The following AGAP1 variants were observed in gnomAD, a reference collection of about 807,000 sequenced individuals.
AGAP1 encodes ArfGAP with GTPase domain, ankyrin repeat and PH domain 1.
Under a neutral mutation model 105.3 loss-of-function variants are expected in AGAP1, and 29 were observed. The ratio of observed to expected loss-of-function variants is 0.28; its 90% CI spans 0.21 to 0.38. AGAP1 has a LOEUF of 0.38. AGAP1 is among the 10% of genes least tolerant of loss of function. The pLI is 1.00. For synonymous variants in AGAP1, 509 were observed against 485.9 expected, an observed-to-expected ratio of 1.05 and a Z score of -0.63; for missense variants, 998 against 1,165.1, an observed-to-expected ratio of 0.86 and a Z score of 2.09.
In AGAP1 at chr2:236,009,562, C is replaced by T. The variant is rs1460065032; in HGVS notation, c.1646-26999C>T. Among the ~76,000 whole-genome samples, 4 of 152,300 alleles carry T rather than the reference C, an allele frequency of 2.6e-5. No homozygotes were observed. Among genetic ancestry groups the T allele is most frequent in the Middle Eastern group, 3.4e-3 (1 of 294 alleles). On this transcript the variant is annotated intron_variant, in intron 13 of 17. Transcript: ENST00000304032. This position sits in a 1 kb window ranked among gnomAD's most constrained non-coding sequence, Gnocchi z 4.2. ...GCTGTCTGACAAGGTGATCATTTGA[C>T]TTTTCTTAGAGGTACAAATTTACGC...
At chr2:235,805,733 G>A (rs1237516902) in intron 8 of AGAP1, among the ~76,000 whole-genome samples, 1 of 152,130 alleles carries the variant, frequency 6.6e-6, no homozygotes, top group Non-Finnish European at 1.5e-5. Context: ...ACAAAGAATT[G>A]ATAAATATCT....
Position 236,104,251 on chromosome 2 carries a change from C to A in AGAP1, c.2115-15941C>A, listed in dbSNP as rs114204773. The stretch of plus-strand genomic sequence containing the variant: ...TTGGCTGCTGTGAGAGATACGCCAC[C>A]AGGCCAGGCTGACATGGGCAGTTCC... On this transcript the variant is annotated intron_variant, in intron 16 of 17. Transcript: ENST00000304032. This position sits in a 1 kb window ranked among gnomAD's most constrained non-coding sequence, Gnocchi z 4.7. 5.0e-3 allele frequency among the ~76,000 whole-genome samples: 764 copies of A among 152,334 alleles called. 5 individuals are homozygous for A. Among genetic ancestry groups the A allele is most frequent in the African/African-American group, 0.018 (731 of 41,578 alleles).
chr2:235,728,380 A>C lies in AGAP1; in HGVS notation c.310+10736A>C, dbSNP rs528950131. On this transcript the variant is annotated intron_variant, in intron 3 of 17. Transcript: ENST00000304032. The surrounding 1 kb of genome is among the most constrained non-coding windows in gnomAD (Gnocchi z 4.3). Reference sequence around the variant, plus strand: ...CTATATACAGCTGCCAATAATCTGCAAAAGATGACAGTTTCATATGATTCC... The same window carrying C: ...CTATATACAGCTGCCAATAATCTGCCAAAGATGACAGTTTCATATGATTCC... 3.3e-5 allele frequency among the ~76,000 whole-genome samples: 5 copies of C among 152,046 alleles called. No individual in the cohort carries two copies. The South Asian group carries it at 1.0e-3, about 32-fold the overall frequency.
chr2:235,534,280 A>G (rs1293805283), intron 1 of AGAP1, among the ~76,000 whole-genome samples: 5 of 152,160 alleles, frequency 3.3e-5, no homozygotes, highest in Non-Finnish European at 5.9e-5. Flanking sequence ...AGGGAAGTAA[A>G]TACAGTGCCT....
intron 1 of AGAP1, among the ~76,000 whole-genome samples, chr2:235,684,801 G>A (rs574225424): frequency 6.6e-6 from 1 of 152,284 alleles, no homozygotes; most frequent in African/African-American, 2.4e-5. Context: ...GTCAATCTTA[G>A]AGGCACTTTC....
At chr2:235,619,674 T>C (rs1946414590) in intron 1 of AGAP1, among the ~76,000 whole-genome samples, 1 of 152,172 alleles carries the variant, frequency 6.6e-6, no homozygotes, top group Non-Finnish European at 1.5e-5. Context: ...TTTAATTTCA[T>C]GAGCATCCTG....
At chr2:235,995,626 A>C (rs2055778877) in intron 13 of AGAP1, among the ~76,000 whole-genome samples, 1 of 152,236 alleles carries the variant, frequency 6.6e-6, no homozygotes, top group South Asian at 2.1e-4. Context: ...AATGTGTGGC[A>C]GACAACCTTA....
intron 1 of AGAP1, among the ~76,000 whole-genome samples, chr2:235,607,914 T>C (rs1027631347): frequency 6.6e-6 from 1 of 152,340 alleles, no homozygotes; most frequent in Admixed American, 6.5e-5. Context: ...CCAAAACAAA[T>C]ATTGTTCTTT....
Position 235,760,861 on chromosome 2 carries a change from A to AT in AGAP1, c.673+10375dup, listed in dbSNP as rs1483496391. On this transcript the variant is annotated intron_variant, in intron 6 of 17. Transcript: ENST00000304032. ...TCTCAGCCTTCCAAAGTGTGATGGGATTATAGGCGTTAGCCACCACTCCCA... is the reference window on the plus strand; with the variant it reads ...TCTCAGCCTTCCAAAGTGTGATGGGATTTATAGGCGTTAGCCACCACTCCCA... Among the ~76,000 whole-genome samples the AT allele has an allele frequency of 3.3e-5, 5 of 152,324 alleles. No homozygotes were observed. The East Asian group carries it at 9.6e-4, about 29-fold the overall frequency.
chr2:235,586,469 G>A lies in AGAP1; in HGVS notation c.163+91620G>A, dbSNP rs1329811435. ...AAGGTGGAGGCAGCTGTTATGTGGT[G>A]TGTTGGATTCACAGCAGTCAAGGCT... is the stretch of plus-strand genomic sequence containing the variant. On this transcript the variant is annotated intron_variant, in intron 1 of 17. Coordinates refer to ENST00000304032, the MANE Select transcript of AGAP1 (RefSeq NM_001037131.3). This position sits in a 1 kb window ranked among gnomAD's most constrained non-coding sequence, Gnocchi z 4.2. 6.6e-6 allele frequency among the ~76,000 whole-genome samples: 1 copy of A among 152,322 alleles called. No homozygotes were observed. The highest frequency in any genetic ancestry group is 1.9e-4 in the East Asian group (1 of 5,172).
intron 12 of AGAP1, among the ~76,000 whole-genome samples, chr2:235,956,920 G>T (rs998402147): frequency 1.3e-5 from 2 of 152,230 alleles, no homozygotes; most frequent in African/African-American, 4.8e-5. Context: ...TCACTAGACC[G>T]TATAGTGGAC....
At position 235,665,958 on chromosome 2, in the gene AGAP1, T is replaced by C. The variant is rs1252282330; in HGVS notation, c.164-43221T>C. Among the ~76,000 whole-genome samples, 1 of 152,164 alleles carries C rather than the reference T, an allele frequency of 6.6e-6. No homozygotes were observed. The highest frequency in any genetic ancestry group is 1.5e-5 in the Non-Finnish European group (1 of 68,028). On this transcript the variant is annotated intron_variant, in intron 1 of 17. Transcript: ENST00000304032. This position sits in a 1 kb window ranked among gnomAD's most constrained non-coding sequence, Gnocchi z 5.3. ...GAAATACTATTCTCCAGGAGAATGT[T>C]TGATTTATAGGTAGCTAGAAATGAC...
chr2:236,102,760 T>G (rs12621505), intron 16 of AGAP1, among the ~76,000 whole-genome samples: 272 of 152,122 alleles, frequency 1.8e-3, no homozygotes, highest in Admixed American at 5.2e-3. Context: ...CGATTTTTCC[T>G]GTAAACGTCC....
At chr2:235,950,123 G>A (rs972427439) in intron 12 of AGAP1, among the ~76,000 whole-genome samples, 2 of 152,210 alleles carry the variant, frequency 1.3e-5, no homozygotes, top group African/African-American at 4.8e-5. Flanking sequence ...GCTGGAGTTG[G>A]AGAGCGCAGA....
chr2:235,562,304 CT>C (rs1463546846), intron 1 of AGAP1, among the ~76,000 whole-genome samples: 1 of 151,970 alleles, frequency 6.6e-6, no homozygotes. Context: ...CGTGATTATA[CT>C]TTTTGTCTCT....
In AGAP1 at chr2:235,915,498, G is replaced by A. The variant is rs140114508; in HGVS notation, c.1324+6592G>A. On this transcript the variant is annotated intron_variant, in intron 11 of 17. Transcript: ENST00000304032. ...AAGACCGATTAATCTAGGCAACATG[G>A]TGAAACCCTGTCTTTACAAAAAATG... is the stretch of plus-strand genomic sequence containing the variant. 2.0e-5 allele frequency among the ~76,000 whole-genome samples: 3 copies of A among 152,010 alleles called. No individual in the cohort carries two copies. The East Asian group carries it at 5.8e-4, about 30-fold the overall frequency.
intron 16 of AGAP1, among the ~76,000 whole-genome samples, chr2:236,067,208 G>T (rs1432509652): frequency 6.6e-6 from 1 of 152,018 alleles, no homozygotes; most frequent in Non-Finnish European, 1.5e-5. Flanking sequence ...CTGTGCCTCA[G>T]TTTCCCATTC....
Position 235,659,796 on chromosome 2 carries a change from G to A in AGAP1, c.164-49383G>A, listed in dbSNP as rs529090618. On this transcript the variant is annotated intron_variant, in intron 1 of 17. Transcript: ENST00000304032. The surrounding 1 kb of genome is among the most constrained non-coding windows in gnomAD (Gnocchi z 5.0). ...TCTTTGTCTCTCAGTTGGGGCCCTG[G>A]CCTCTGCAGATAAGCCCTCGGATGC... Among the ~76,000 whole-genome samples, 5 of 152,322 alleles carry A rather than the reference G, an allele frequency of 3.3e-5. No homozygotes were observed. The East Asian group carries it at 7.7e-4, about 24-fold the overall frequency.
intron 9 of AGAP1, among the ~76,000 whole-genome samples, chr2:235,820,589 C>T (rs1487982003): frequency 1.3e-5 from 2 of 152,154 alleles, no homozygotes; most frequent in Non-Finnish European, 2.9e-5. Flanking sequence ...AAGTTTTTAC[C>T]ATATTGTTCA....
Sources: allele counts gnomAD v4.1 joint callset (sites outside exome capture counted in the v4.1 genomes callset), GRCh38; gene constraint gnomAD v4.1.1; non-coding constraint Gnocchi (gnomAD v3.1); transcripts MANE v1.5; gene names NCBI Gene and HGNC (gene_info 2026-07-23, HGNC 2026-07-21).